The following SYCP1 variants were observed in gnomAD, a reference collection of about 807,000 sequenced individuals.
The protein encoded by SYCP1 is synaptonemal complex protein 1.
SYCP1 carries 64 observed loss-of-function variants against 153.1 expected under a neutral mutation model. That is an observed-to-expected ratio of 0.42 (90% CI 0.34 to 0.51). The LOEUF (loss-of-function observed/expected upper bound fraction) is 0.51. Among genes scored for constraint, SYCP1 ranks in the 20% least tolerant of loss-of-function variants. SYCP1 has a pLI of 0.06. For missense variants in SYCP1, 997 were observed against 1,049.0 expected, an observed-to-expected ratio of 0.95 and a Z score of 0.68; for synonymous variants, 384 against 341.8, an observed-to-expected ratio of 1.12 and a Z score of -1.36.
At chr1:114,943,087 C>G (rs1165148788) in intron 23 of SYCP1, among the ~76,000 whole-genome samples, 1 of 151,886 alleles carries the variant, frequency 6.6e-6, no homozygotes, top group Non-Finnish European at 1.5e-5. Context: ...CAGTCAAATA[C>G]TTTTGTCTGA....
chr1:114,878,532 TC>T (rs2101488006), intron 12 of SYCP1, among the ~76,000 whole-genome samples: 1 of 152,222 alleles, frequency 6.6e-6, no homozygotes, highest in South Asian at 2.1e-4. Context: ...TATAAGGCAC[TC>T]AAAATTAATA....
chr1:114,871,638 T>A (rs915278450), intron 8 of SYCP1, among the ~76,000 whole-genome samples: 1 of 152,202 alleles, frequency 6.6e-6, no homozygotes, highest in Non-Finnish European at 1.5e-5. Context: ...AGTGGCATGA[T>A]CCTGGCTCAC....
intron 23 of SYCP1, among the ~76,000 whole-genome samples, chr1:114,937,715 C>T (rs1670116440): frequency 6.6e-6 from 1 of 152,168 alleles, no homozygotes. Context: ...AATCAAACCA[C>T]CCCATCAAAA....
At chr1:114,886,093 A>G in intron 13 of SYCP1, 32 bp from the exon 14 acceptor site, 1 of 1,487,532 alleles carries the variant, frequency 6.7e-7, no homozygotes, top group South Asian at 1.3e-5. Flanking sequence ...CCTTTGGATC[A>G]TTGCTCTTGT....
intron 28 of SYCP1, 73 bp downstream of exon 28, chr1:114,977,689 G>A: frequency 1.0e-6 from 1 of 975,122 alleles, no homozygotes; most frequent in Non-Finnish European, 1.5e-6. Context: ...ATGATTTTTT[G>A]TTTATAAGTA....
At chr1:114,918,778 T>C (rs923941327) in intron 20 of SYCP1, among the ~76,000 whole-genome samples, 1 of 152,082 alleles carries the variant, frequency 6.6e-6, no homozygotes, top group African/African-American at 2.4e-5. Context: ...ACTTTCTTGA[T>C]TTATTTTTCA....
chr1:114,859,335 C>T (rs374096374), intron 6 of SYCP1, among the ~76,000 whole-genome samples: 1 of 152,148 alleles, frequency 6.6e-6, no homozygotes, highest in Non-Finnish European at 1.5e-5. Context: ...GACCCACCTG[C>T]CTCGGCCTCC....
At chr1:114,925,616 C>T (rs1250060605) in intron 21 of SYCP1, among the ~76,000 whole-genome samples, 2 of 151,994 alleles carry the variant, frequency 1.3e-5, no homozygotes, top group East Asian at 3.9e-4. Context: ...TCTATCTGAG[C>T]CTTAGTTTCC....
chr1:114,902,164 G>A (rs1667498490), intron 16 of SYCP1, among the ~76,000 whole-genome samples: 1 of 152,170 alleles, frequency 6.6e-6, no homozygotes, highest in Non-Finnish European at 1.5e-5. Flanking sequence ...AAAGGCCATG[G>A]AAAGGCTGGG....
At chr1:114,967,298 T>C (rs1672192537) in intron 27 of SYCP1, among the ~76,000 whole-genome samples, 1 of 152,194 alleles carries the variant, frequency 6.6e-6, no homozygotes, top group Non-Finnish European at 1.5e-5. Flanking sequence ...ACTATTACTG[T>C]GTGGGAGTCT....
At chr1:114,867,055 T>A (rs547315713) in intron 8 of SYCP1, among the ~76,000 whole-genome samples, 13 of 152,268 alleles carry the variant, frequency 8.5e-5, no homozygotes, top group Middle Eastern at 3.4e-3. Context: ...CAAAGATCAG[T>A]TGACTATATA....
At chr1:114,946,893 C>A (rs1392319047) in intron 26 of SYCP1, among the ~76,000 whole-genome samples, 2 of 152,034 alleles carry the variant, frequency 1.3e-5, no homozygotes, top group Non-Finnish European at 2.9e-5. Flanking sequence ...GTGTGCATCA[C>A]CACACCCGGC....
intron 27 of SYCP1, among the ~76,000 whole-genome samples, chr1:114,977,282 A>G (rs970891977): frequency 2.6e-5 from 4 of 151,782 alleles, no homozygotes; most frequent in Admixed American, 2.0e-4. Flanking sequence ...TTATTTTACA[A>G]ATAAGAAAGC....
At chr1:114,896,550 C>T (rs1436652230) in intron 16 of SYCP1, among the ~76,000 whole-genome samples, 1 of 151,972 alleles carries the variant, frequency 6.6e-6, no homozygotes, top group African/African-American at 2.4e-5. Flanking sequence ...CTTTATTCAC[C>T]CTTTAGACTC....
At chr1:114,946,952 G>A (rs986126425) in intron 26 of SYCP1, among the ~76,000 whole-genome samples, 1 of 152,054 alleles carries the variant, frequency 6.6e-6, no homozygotes, top group Non-Finnish European at 1.5e-5. Context: ...CACCATGTTG[G>A]CCAGGCTTTC....
intron 27 of SYCP1, among the ~76,000 whole-genome samples, chr1:114,969,587 G>T (rs529014180): frequency 6.6e-6 from 1 of 152,288 alleles, no homozygotes; most frequent in African/African-American, 2.4e-5. Flanking sequence ...GGGCTCCATG[G>T]GGATGGGATC....
chr1:114,982,718 T>C lies in SYCP1; in HGVS notation c.2559+1206T>C, dbSNP rs150371478. 5.0e-3 allele frequency among the ~76,000 whole-genome samples: 760 copies of C among 152,102 alleles called. 1 individual carries two copies. The highest frequency in any genetic ancestry group is 9.2e-3 in the Non-Finnish European group (628 of 67,946). The stretch of plus-strand genomic sequence containing the variant: ...GTCTAGTTAAGTCCAATGTCAAGGC[T>C]TCCTCAGGGAGAGTTTCTGTTGTTT... On this transcript the variant is annotated intron_variant, in intron 29 of 31. Transcript: ENST00000369522.
intron 27 of SYCP1, among the ~76,000 whole-genome samples, chr1:114,975,681 A>C (rs1033495984): frequency 1.3e-5 from 2 of 151,812 alleles, no homozygotes; most frequent in African/African-American, 4.8e-5. Context: ...GGAAACTGTT[A>C]CTAGATGACT....
intron 20 of SYCP1, among the ~76,000 whole-genome samples, chr1:114,915,408 T>G (rs1459799528): frequency 2.0e-5 from 3 of 152,240 alleles, no homozygotes; most frequent in African/African-American, 7.2e-5. Context: ...TCTTGCCTTA[T>G]TGGGCATTCT....
Sources: gnomAD v4.1 joint callset for allele counts (sites outside exome capture counted in the v4.1 genomes callset) on GRCh38, gnomAD v4.1.1 for gene constraint, MANE v1.5 for transcripts, NCBI Gene and HGNC (gene_info 2026-07-23, HGNC 2026-07-21) for gene names.